Variants in AKAP9 observed in about 807,000 individuals in gnomAD.
AKAP9 encodes A-kinase anchor protein 9.
A neutral mutation model predicts 488.5 loss-of-function variants in AKAP9; 311 were observed. The ratio of observed to expected loss-of-function variants is 0.64; its 90% CI spans 0.58 to 0.70. The LOEUF is 0.70. Ranked by LOEUF, AKAP9 falls within the 30% of genes least tolerant of loss-of-function variation. The probability of loss-of-function intolerance (pLI) is 0.00; values close to 1 mark genes in which losing one functional copy is unlikely to be tolerated. For synonymous variants in AKAP9, 1,462 were observed against 1,483.5 expected, an observed-to-expected ratio of 0.99 and a Z score of 0.33; for missense variants, 4,215 against 4,374.5, an observed-to-expected ratio of 0.96 and a Z score of 1.03.
intron 42 of AKAP9, 49 bp from the exon 43 acceptor site, chr7:92,098,060 C>A: frequency 8.0e-7 from 1 of 1,246,562 alleles, no homozygotes; most frequent in Non-Finnish European, 1.2e-6. Context: ...TGGTAGTAAA[C>A]ACCCCCAATT....
chr7:91,990,178 T>C (rs1376189739), intron 3 of AKAP9, among the ~76,000 whole-genome samples: 1 of 152,086 alleles, frequency 6.6e-6, no homozygotes, highest in African/African-American at 2.4e-5. Context: ...AGTTGAGCTT[T>C]TTTCAGTTGA....
chr7:92,083,533 A>G lies in AKAP9; in HGVS notation c.8524A>G (p.Met2842Val), dbSNP rs886062477. The G allele has an allele frequency of 9.4e-6, 15 of 1,604,058 alleles. No homozygotes were observed. The highest frequency in any genetic ancestry group is 4.0e-5 in the African/African-American group (3 of 74,362). Residue 2842 changes from methionine (M) to valine (V), a missense_variant, in exon 33 of 50, where the codon ATG becomes GTG. By Grantham distance (21) the Met-to-Val change is conservative (BLOSUM62 1). Coordinates refer to ENST00000356239, the MANE Select transcript of AKAP9 (RefSeq NM_005751.5). ...QELHAAEILD[M>V]ESRHISETET... ...ACTACATGCTGCTGAAATTTTGGACATGGAATCCAGACATATTTCAGAAAC... is the reference window on the plus strand; with the variant it reads ...ACTACATGCTGCTGAAATTTTGGACGTGGAATCCAGACATATTTCAGAAAC...
intron 44 of AKAP9, 119 bp from the exon 45 acceptor site, chr7:92,100,737 G>C: frequency 8.7e-7 from 1 of 1,150,006 alleles, no homozygotes; most frequent in Non-Finnish European, 1.3e-6. Context: ...GATTGGCTTT[G>C]AACTTTGTCT....
At chr7:91,949,785 T>C (rs1791962429) in intron 1 of AKAP9, among the ~76,000 whole-genome samples, 1 of 152,194 alleles carries the variant, frequency 6.6e-6, no homozygotes, top group Non-Finnish European at 1.5e-5. Flanking sequence ...AGGTTCTTTG[T>C]TTAAATTTAT....
intron 1 of AKAP9, among the ~76,000 whole-genome samples, chr7:91,963,807 C>T (rs536608985): frequency 7.2e-5 from 11 of 152,214 alleles, no homozygotes; most frequent in Admixed American, 1.3e-4. Context: ...CGTGAGCCAC[C>T]GCGCCCAGCC....
chr7:92,089,493 C>A lies in AKAP9; in HGVS notation c.9322C>A (p.Leu3108Met). Reference sequence around the variant, plus strand: ...ACAAATGAATGGTAGGAAAATTACTCTGAAAAGAGAACAAGAGAGTGAGAA... The same window carrying A: ...ACAAATGAATGGTAGGAAAATTACTATGAAAAGAGAACAAGAGAGTGAGAA... The part of the protein sequence containing the change: ...HAQMNGRKIT[L>M]KREQESEKPS... Residue 3108 changes from leucine (L) to methionine (M), a missense_variant, in exon 38 of 50, where the codon CTG becomes ATG. By Grantham distance (15) the Leu-to-Met change is conservative. Transcript: ENST00000356239. 1 of 1,613,450 alleles carries A rather than the reference C, an allele frequency of 6.2e-7. No individual in the cohort carries two copies. Among genetic ancestry groups the A allele is most frequent in the South Asian group, 1.1e-5 (1 of 91,040 alleles).
Position 92,065,299 on chromosome 7 carries a change from C to G in AKAP9, c.6046C>G (p.Arg2016Gly). 6 of 1,612,618 alleles carry G rather than the reference C, an allele frequency of 3.7e-6. No individual in the cohort carries two copies. The highest frequency in any genetic ancestry group is 5.1e-6 in the Non-Finnish European group (6 of 1,179,290). Residue 2016 changes from arginine to glycine, a missense_variant, in exon 25 of 50, where the codon CGT becomes GGT. This residue lies in a region of AKAP9 where 2,361 missense variants were observed against 2,430.0 expected (regional missense o/e 0.97). Transcript: ENST00000356239. ...AGTACAATGTCAAGCTGAAAAAGTA[C>G]GTGATGACCTTCAAAAACAAGTGAA... ...LEVQCQAEKV[R>G]DDLQKQVKAL...
At chr7:92,093,448 A>G (rs1815990583) in intron 39 of AKAP9, 132 bp downstream of exon 39, 1 of 786,464 alleles carries the variant, frequency 1.3e-6, no homozygotes, top group Admixed American at 2.3e-5. Flanking sequence ...TTTAGGAAAA[A>G]CTATAATAGA....
intron 31 of AKAP9, among the ~76,000 whole-genome samples, chr7:92,080,951 C>T (rs1222629487): frequency 1.3e-5 from 2 of 152,136 alleles, no homozygotes; most frequent in Non-Finnish European, 2.9e-5. Context: ...GATACAGAGA[C>T]AGCCTCAGGC....
chr7:91,949,645 A>G (rs1054751434), intron 1 of AKAP9, among the ~76,000 whole-genome samples: 2 of 152,210 alleles, frequency 1.3e-5, no homozygotes, highest in African/African-American at 2.4e-5. Context: ...GTAACTTACA[A>G]CACTTAGTGC....
intron 14 of AKAP9, 37 bp from the exon 15 acceptor site, chr7:92,029,858 C>T (rs1803934841): frequency 6.5e-7 from 1 of 1,530,744 alleles, no homozygotes; most frequent in African/African-American, 1.4e-5. Flanking sequence ...AGCACATATA[C>T]AACTCTAATT....
chr7:92,001,244 CA>C lies in AKAP9; in HGVS notation c.1328del (p.Gln443ArgfsTer3). 2 of 1,613,904 alleles carry C rather than the reference CA, an allele frequency of 1.2e-6. No homozygotes were observed. The highest frequency in any genetic ancestry group is 1.7e-6 in the Non-Finnish European group (2 of 1,179,936). ...LRAELDEMYG[Q>X]QIVQMKQELI... ...GGCAGAGCTGGATGAGATGTATGGG[CA>C]GCAGATAGTGCAAATGAAACAAGAA... On this transcript the variant is annotated frameshift_variant, in exon 8 of 50. Coordinates refer to ENST00000356239, the MANE Select transcript of AKAP9 (RefSeq NM_005751.5). LOFTEE classifies it high-confidence loss of function.
Position 92,040,911 on chromosome 7 carries a change from TA to T in AKAP9, c.4917+14del, listed in dbSNP as rs765796287. ...ACAATTAGCCCAGGTAAGGGTCTTG[TA>T]GTCCCCTTTCTCTCCCCAGTTATTT... On this transcript the variant is annotated intron_variant, in intron 18 of 49. Transcript: ENST00000356239. 8.8e-5 allele frequency: 140 copies of T among 1,594,188 alleles called. No individual in the cohort carries two copies. The highest frequency in any genetic ancestry group is 1.2e-4 in the Non-Finnish European group (135 of 1,167,644).
At chr7:92,017,860 A>G (rs1490965264) in intron 12 of AKAP9, among the ~76,000 whole-genome samples, 1 of 152,070 alleles carries the variant, frequency 6.6e-6, no homozygotes, top group Non-Finnish European at 1.5e-5. Flanking sequence ...AACCTTATCT[A>G]GCCTTTCCAA....
intron 23 of AKAP9, among the ~76,000 whole-genome samples, 196 bp downstream of exon 23, chr7:92,061,618 AT>A: frequency 7.1e-6 from 1 of 141,586 alleles, no homozygotes; most frequent in Non-Finnish European, 1.5e-5. Context: ...ATATATATAT[AT>A]AAAATTATAA....
chr7:91,973,281 T>C (rs1356119227), intron 1 of AKAP9, among the ~76,000 whole-genome samples: 1 of 152,116 alleles, frequency 6.6e-6, no homozygotes, highest in Non-Finnish European at 1.5e-5. Context: ...ACTTGGGGGC[T>C]GAAGTGGGAG....
intron 41 of AKAP9, 86 bp from the exon 42 acceptor site, chr7:92,097,500 A>T: frequency 1.3e-6 from 2 of 1,512,884 alleles, no homozygotes. Flanking sequence ...TATTGGATAT[A>T]AACAATAATT....
At chr7:92,041,579 G>C (rs1485606192) in intron 18 of AKAP9, 1 of 158,662 alleles carries the variant, frequency 6.3e-6, no homozygotes, top group Non-Finnish European at 1.4e-5. Flanking sequence ...TTGCAGAAAA[G>C]CAAGAAATAT....
At chr7:92,093,873 T>G (rs1563133106) in intron 39 of AKAP9, among the ~76,000 whole-genome samples, 7 of 152,032 alleles carry the variant, frequency 4.6e-5, no homozygotes, top group Non-Finnish European at 1.5e-5. Context: ...TGTTTTGAGA[T>G]GGAATCTCGC....
Sources: allele counts gnomAD v4.1 joint callset (sites outside exome capture counted in the v4.1 genomes callset), GRCh38; gene constraint gnomAD v4.1.1; regional missense constraint gnomAD v4.1.1; transcripts MANE v1.5; gene names NCBI Gene and HGNC (gene_info 2026-07-23, HGNC 2026-07-21).